MARF1: variants seen among roughly 807,000 people sequenced by gnomAD.
MARF1 encodes the protein limkain-b1.
MARF1 carries 24 observed loss-of-function variants against 168.2 expected under a neutral mutation model. The ratio of observed to expected loss-of-function variants is 0.14; its 90% CI spans 0.10 to 0.20. MARF1 has a LOEUF of 0.20. Among genes scored for constraint, MARF1 ranks in the 10% least tolerant of loss-of-function variants. MARF1 has a pLI of 1.00. For missense variants in MARF1, 1,744 were observed against 2,143.6 expected, an observed-to-expected ratio of 0.81 and a Z score of 3.68; for synonymous variants, 868 against 822.4, an observed-to-expected ratio of 1.06 and a Z score of -0.95.
intron 7 of MARF1, among the ~76,000 whole-genome samples, chr16:15,629,633 T>A (rs1212592197): frequency 6.6e-6 from 1 of 152,210 alleles, no homozygotes; most frequent in Non-Finnish European, 1.5e-5. Flanking sequence ...ACACCATGGC[T>A]CCTTCTCCAT....
Position 15,624,813 on chromosome 16 carries a change from G to A in MARF1, c.2226C>T (p.Ser742=). The change falls in exon 10 of 27, where the codon TCC becomes TCT. Residue 742 remains serine (S), a synonymous_variant. Transcript: ENST00000396368. The part of the protein sequence containing the change: ...YPSAFSKLVA[S]RQVSPLLASQ... ...ATGCGAGCAGAGGACTGACTTGCCT[G>A]GATGCAACTAACTTGCTAAAAGCAG... 2.5e-6 allele frequency: 4 copies of A among 1,614,154 alleles called. No homozygotes were observed. Among genetic ancestry groups the A allele is most frequent in the Non-Finnish European group, 3.4e-6 (4 of 1,180,018 alleles).
chr16:15,615,828 A>G lies in MARF1; in HGVS notation c.3253+2T>C. 6.5e-7 allele frequency: 1 copy of G among 1,539,430 alleles called. No individual in the cohort carries two copies. The highest frequency in any genetic ancestry group is 8.8e-7 in the Non-Finnish European group (1 of 1,138,484). ...CTCCAGGACAAAATACCTGACACCT[A>G]CCAGTGTTGGGAGGCGGGGGCTTGT... On this transcript the variant is annotated splice_donor_variant, in intron 16 of 26. Coordinates refer to ENST00000396368, the MANE Select transcript of MARF1 (RefSeq NM_014647.4). LOFTEE classifies it high-confidence loss of function.
chr16:15,611,164 C>T, intron 18 of MARF1, 56 bp from the exon 19 acceptor site: 1 of 1,578,026 alleles, frequency 6.3e-7, no homozygotes, highest in Admixed American at 1.7e-5. Context: ...GGTAGAAGAA[C>T]TACAAGTTTT....
chr16:15,629,528 A>G (rs1422556909), intron 7 of MARF1, among the ~76,000 whole-genome samples: 3 of 152,210 alleles, frequency 2.0e-5, no homozygotes, highest in African/African-American at 7.2e-5. Context: ...TTTGCATGAG[A>G]TCATGTCTAA....
chr16:15,627,130 T>A (rs569955046), intron 7 of MARF1, among the ~76,000 whole-genome samples: 4 of 144,740 alleles, frequency 2.8e-5, no homozygotes, highest in African/African-American at 1.0e-4. Flanking sequence ...GGCGGGGGGA[T>A]CACTTGAGCC....
intron 20 of MARF1, chr16:15,608,851 C>T (rs186830095): frequency 5.9e-6 from 2 of 337,008 alleles, no homozygotes; most frequent in Non-Finnish European, 1.1e-5. Context: ...AACTTAGCAA[C>T]AGCGAACAGC....
At position 15,643,079 on chromosome 16, in the gene MARF1, C is replaced by A. The variant is rs947111566; in HGVS notation, c.-120G>T. 1.7e-5 allele frequency: 5 copies of A among 297,254 alleles called. No individual in the cohort carries two copies. The highest frequency in any genetic ancestry group is 1.5e-4 in the East Asian group (1 of 6,490). 18.4% of individuals were successfully genotyped at this position (297,254 alleles called of 1,614,324 possible). Reference sequence around the variant, plus strand: ...CCCGCCGCCTTCCCCCCGCCCCCCCCAGGCCCTTTGTTTTGATTCCCGACT... The same window carrying A: ...CCCGCCGCCTTCCCCCCGCCCCCCCAAGGCCCTTTGTTTTGATTCCCGACT... On this transcript the variant is annotated 5_prime_UTR_variant, in exon 1 of 27. Transcript: ENST00000396368.
chr16:15,631,410 G>A lies in MARF1; in HGVS notation c.1322C>T (p.Thr441Ile). 1 of 1,612,466 alleles carries A rather than the reference G, an allele frequency of 6.2e-7. No individual in the cohort carries two copies. Among genetic ancestry groups the A allele is most frequent in the Non-Finnish European group, 8.5e-7 (1 of 1,178,700 alleles). Residue 441 changes from threonine to isoleucine, a missense_variant, in exon 6 of 27, where the codon ACT (threonine) becomes ATT (isoleucine). Coordinates refer to ENST00000396368, the MANE Select transcript of MARF1 (RefSeq NM_014647.4). ...QSLRRFANTH[T>I]APATVVLVST... ...CACAAGAACCACTGTGGCTGGAGCA[G>A]TGTGTGTATTTGCAAATCTGCGGAG...
intron 23 of MARF1, 115 bp from the exon 24 acceptor site, chr16:15,600,816 G>A: frequency 2.9e-6 from 3 of 1,031,044 alleles, no homozygotes; most frequent in Middle Eastern, 4.1e-4. Flanking sequence ...TAGGAGCTGA[G>A]TTACTGCCAA....
In MARF1 at chr16:15,631,377, T is replaced by C; in HGVS notation, c.1351+4A>G. The C allele has an allele frequency of 6.3e-7, 1 of 1,590,230 alleles. No homozygotes were observed. Among genetic ancestry groups the C allele is most frequent in the Non-Finnish European group, 8.6e-7 (1 of 1,158,962 alleles). On this transcript the variant is annotated splice_donor_region_variant and intron_variant, in intron 6 of 26. Transcript: ENST00000396368. Reference sequence around the variant, plus strand: ...CTGAAATTAGCAGATGTTTCTGTACTTACTTGACACAAGAACCACTGTGGC... The same window carrying C: ...CTGAAATTAGCAGATGTTTCTGTACCTACTTGACACAAGAACCACTGTGGC...
chr16:15,599,709 A>C (rs1251809421), intron 25 of MARF1, among the ~76,000 whole-genome samples: 1 of 152,208 alleles, frequency 6.6e-6, no homozygotes, highest in Non-Finnish European at 1.5e-5. Context: ...TCTATCTACT[A>C]CAGAGGTGGA....
At chr16:15,620,864 T>C (rs948707205) in intron 12 of MARF1, among the ~76,000 whole-genome samples, 15 of 152,126 alleles carry the variant, frequency 9.9e-5, no homozygotes, top group South Asian at 6.2e-4. Flanking sequence ...GGCGTTCCCA[T>C]AGATAAGGAT....
At chr16:15,598,310 G>A (rs539373656) in intron 26 of MARF1, among the ~76,000 whole-genome samples, 4 of 152,310 alleles carry the variant, frequency 2.6e-5, no homozygotes, top group African/African-American at 7.2e-5. Context: ...CGTGGTAAGA[G>A]TTAAATGTGA....
At chr16:15,628,951 T>C (rs1351094789) in intron 7 of MARF1, among the ~76,000 whole-genome samples, 1 of 151,998 alleles carries the variant, frequency 6.6e-6, no homozygotes, top group East Asian at 1.9e-4. Flanking sequence ...TGGTTTGAAT[T>C]ATCAAAACAT....
At chr16:15,618,486 A>G (rs2034225629) in intron 13 of MARF1, among the ~76,000 whole-genome samples, 1 of 151,914 alleles carries the variant, frequency 6.6e-6, no homozygotes, top group African/African-American at 2.4e-5. Flanking sequence ...TAGCCACAGG[A>G]CTCTGTAGTG....
At chr16:15,630,536 C>T in intron 6 of MARF1, 32 bp from the exon 7 acceptor site, 1 of 1,576,742 alleles carries the variant, frequency 6.3e-7, no homozygotes, top group South Asian at 1.2e-5. Flanking sequence ...AACCCCATCC[C>T]CAAACATTAG....
intron 1 of MARF1, among the ~76,000 whole-genome samples, 197 bp from the exon 2 acceptor site, chr16:15,639,488 T>C (rs1266346773): frequency 2.6e-5 from 4 of 152,112 alleles, no homozygotes; most frequent in East Asian, 3.9e-4. Context: ...GCAACCTCCG[T>C]CTCCCGGGTT....
At chr16:15,603,284 T>C (rs903180072) in intron 22 of MARF1, among the ~76,000 whole-genome samples, 2 of 152,262 alleles carry the variant, frequency 1.3e-5, no homozygotes, top group Non-Finnish European at 2.9e-5. Flanking sequence ...TAAATTTATT[T>C]TGGCTTCGTA....
intron 21 of MARF1, among the ~76,000 whole-genome samples, chr16:15,606,750 A>G (rs141751579): frequency 6.6e-6 from 1 of 152,026 alleles, no homozygotes; most frequent in Non-Finnish European, 1.5e-5. Context: ...TCGCCCTTGT[A>G]TGTTCATCTT....
Sources: gnomAD v4.1 joint callset for allele counts (sites outside exome capture counted in the v4.1 genomes callset) on GRCh38, gnomAD v4.1.1 for gene constraint, MANE v1.5 for transcripts, NCBI Gene and HGNC (gene_info 2026-07-23, HGNC 2026-07-21) for gene names.